CSMD1: variants seen among roughly 807,000 people sequenced by gnomAD.
CSMD1 encodes the protein CUB and sushi domain-containing protein 1.
In CSMD1, 213 loss-of-function variants were observed where a neutral mutation model predicts 417.5. The ratio of observed to expected loss-of-function variants is 0.51; its 90% CI spans 0.46 to 0.57. CSMD1 has a LOEUF of 0.57. Ranked by LOEUF, CSMD1 falls within the 20% of genes least tolerant of loss-of-function variation. CSMD1 has a pLI of 0.00. For missense variants in CSMD1, 6,923 were observed against 4,529.7 expected, an observed-to-expected ratio of 1.53 and a Z score of -15.17; for synonymous variants, 2,862 against 1,736.8, an observed-to-expected ratio of 1.65 and a Z score of -16.11.
At chr8:4,786,119 C>T (rs1351530004) in intron 1 of CSMD1, among the ~76,000 whole-genome samples, 2 of 152,118 alleles carry the variant, frequency 1.3e-5, no homozygotes, top group African/African-American at 4.8e-5. Context: ...AAATAAATAT[C>T]CTGTTTGCTT....
intron 4 of CSMD1, among the ~76,000 whole-genome samples, chr8:4,013,230 T>A (rs1397898104): frequency 6.6e-6 from 1 of 152,022 alleles, no homozygotes; most frequent in African/African-American, 2.4e-5. Context: ...ACCTTTCCCC[T>A]CTCCTATCCT....
At chr8:4,857,767 A>C (rs1322911818) in intron 1 of CSMD1, among the ~76,000 whole-genome samples, 1 of 152,056 alleles carries the variant, frequency 6.6e-6, no homozygotes, top group Non-Finnish European at 1.5e-5. Flanking sequence ...TTGTGGCAAT[A>C]ATCAATAGCT....
At chr8:4,272,523 C>T (rs1804669546) in intron 3 of CSMD1, among the ~76,000 whole-genome samples, 1 of 152,122 alleles carries the variant, frequency 6.6e-6, no homozygotes, top group Admixed American at 6.6e-5. Context: ...ATAGAAACCA[C>T]ATGCATAACA....
intron 7 of CSMD1, among the ~76,000 whole-genome samples, chr8:3,617,987 A>T (rs758919792): frequency 2.6e-5 from 4 of 152,144 alleles, no homozygotes; most frequent in Non-Finnish European, 4.4e-5. Flanking sequence ...AACAACAGTA[A>T]TCATATCAAG....
At chr8:2,974,063 G>GTGGTAGAGGAAGA (rs1804703777) in intron 56 of CSMD1, among the ~76,000 whole-genome samples, 1 of 83,300 alleles carries the variant, frequency 1.2e-5, no homozygotes, top group Non-Finnish European at 2.3e-5. Flanking sequence ...GTAGAGGATG[G>GTGGTAGAGGAAGA]TGGTAGAGGA....
intron 1 of CSMD1, among the ~76,000 whole-genome samples, chr8:4,977,308 G>A (rs1453221673): frequency 6.6e-6 from 1 of 152,094 alleles, no homozygotes; most frequent in East Asian, 1.9e-4. Flanking sequence ...GGCAAGAAGG[G>A]TTATACGCCC....
chr8:4,628,050 C>A (rs181831086), intron 2 of CSMD1, among the ~76,000 whole-genome samples: 2 of 151,606 alleles, frequency 1.3e-5, no homozygotes, highest in African/African-American at 4.8e-5. Flanking sequence ...AAAATCACCC[C>A]CAGTGGAGAA....
chr8:4,189,817 G>C (rs754748373), intron 3 of CSMD1, among the ~76,000 whole-genome samples: 1 of 152,134 alleles, frequency 6.6e-6, no homozygotes, highest in Non-Finnish European at 1.5e-5. Flanking sequence ...TTAAGGTAAA[G>C]TGGATTCAAA....
intron 1 of CSMD1, among the ~76,000 whole-genome samples, chr8:4,987,272 G>A (rs778440311): frequency 6.6e-6 from 1 of 152,158 alleles, no homozygotes; most frequent in Non-Finnish European, 1.5e-5. Context: ...GTAATTCTTA[G>A]GCACACAAAG....
chr8:3,650,799 C>G (rs1276946780), intron 7 of CSMD1, among the ~76,000 whole-genome samples: 2 of 152,020 alleles, frequency 1.3e-5, no homozygotes, highest in Non-Finnish European at 2.9e-5. Context: ...CCCTTTTTTC[C>G]TTTCTCATGG....
chr8:4,973,640 A>G (rs988790431), intron 1 of CSMD1, among the ~76,000 whole-genome samples: 2 of 152,194 alleles, frequency 1.3e-5, no homozygotes, highest in Non-Finnish European at 2.9e-5. Flanking sequence ...TCCAAATGCC[A>G]TTAAGTACAC....
At chr8:3,647,732 T>A (rs561994186) in intron 7 of CSMD1, among the ~76,000 whole-genome samples, 2 of 152,296 alleles carry the variant, frequency 1.3e-5, no homozygotes, top group Admixed American at 1.3e-4. Context: ...GTTAAAGTAT[T>A]GATTGGAGGG....
intron 1 of CSMD1, among the ~76,000 whole-genome samples, chr8:4,875,376 C>T (rs1289361181): frequency 6.6e-6 from 1 of 152,058 alleles, no homozygotes; most frequent in Non-Finnish European, 1.5e-5. Context: ...TTGTTTTCTT[C>T]TATCAAGCCT....
chr8:4,123,631 A>G (rs1337523777), intron 3 of CSMD1, among the ~76,000 whole-genome samples: 3 of 152,170 alleles, frequency 2.0e-5, no homozygotes, highest in Non-Finnish European at 2.9e-5. Flanking sequence ...TCCTTTGATG[A>G]TAACATTGGA....
chr8:3,917,314 C>G (rs144045853), intron 5 of CSMD1, among the ~76,000 whole-genome samples: 43 of 152,206 alleles, frequency 2.8e-4, no homozygotes, highest in African/African-American at 9.9e-4. Flanking sequence ...GAGTAGCAGA[C>G]TCAGGAGTGA....
At chr8:3,092,488 C>T (rs1360454560) in intron 47 of CSMD1, among the ~76,000 whole-genome samples, 1 of 152,136 alleles carries the variant, frequency 6.6e-6, no homozygotes, top group Non-Finnish European at 1.5e-5. Flanking sequence ...CTAGGAGAGG[C>T]ACAAGTGGAA....
intron 5 of CSMD1, among the ~76,000 whole-genome samples, chr8:3,880,896 G>C (rs541170777): frequency 6.6e-6 from 1 of 152,030 alleles, no homozygotes; most frequent in South Asian, 2.1e-4. Context: ...GTGTACCATT[G>C]AAAGTAAACA....
intron 3 of CSMD1, among the ~76,000 whole-genome samples, chr8:4,331,905 C>T (rs1362837451): frequency 3.3e-5 from 5 of 152,202 alleles, no homozygotes; most frequent in South Asian, 2.1e-4. Flanking sequence ...TATGGAAAAG[C>T]CCACATCGTA....
intron 25 of CSMD1, 36 bp from the exon 26 acceptor site, chr8:3,284,382 C>T (rs1802983959): frequency 1.3e-6 from 2 of 1,519,728 alleles, no homozygotes; most frequent in Non-Finnish European, 1.8e-6. Flanking sequence ...ACTTGCCGTG[C>T]ATCGAGCATG....
Sources: gnomAD v4.1 joint callset for allele counts (sites outside exome capture counted in the v4.1 genomes callset) on GRCh38, gnomAD v4.1.1 for gene constraint, MANE v1.5 for transcripts, NCBI Gene and HGNC (gene_info 2026-07-23, HGNC 2026-07-21) for gene names.